FAM78B: variants seen among roughly 807,000 people sequenced by gnomAD.
The protein encoded by FAM78B is family with sequence similarity 78 member B.
FAM78B carries 10 observed loss-of-function variants against 20.0 expected under a neutral mutation model. The observed-to-expected ratio is 0.50, with a 90% CI of 0.31 to 0.85. FAM78B has a LOEUF of 0.85. Among genes scored for constraint, FAM78B ranks in the 40% least tolerant of loss-of-function variants. The pLI, the probability that FAM78B is intolerant of heterozygous loss-of-function variation, is 0.05. For synonymous variants in FAM78B, 135 were observed against 132.8 expected, an observed-to-expected ratio of 1.02 and a Z score of -0.12; for missense variants, 283 against 345.0, an observed-to-expected ratio of 0.82 and a Z score of 1.42.
intron 1 of FAM78B, among the ~76,000 whole-genome samples, chr1:166,130,801 A>G (rs1654843887): frequency 6.6e-6 from 1 of 151,976 alleles, no homozygotes; most frequent in Non-Finnish European, 1.5e-5. Flanking sequence ...CGGTTCCCTG[A>G]CTCCCAGACC....
Position 166,109,890 on chromosome 1 carries a change from G to GTATGTATATA in FAM78B, c.264-39128_264-39127insTATATACATA, listed in dbSNP as rs1433152486. On this transcript the variant is annotated intron_variant, in intron 1 of 1. Transcript: ENST00000354422. The stretch of plus-strand genomic sequence containing the variant: ...TGTGTATATATATATATGTATATAT[G>GTATGTATATA]TATATATATATATATATATATATAT... Among the ~76,000 whole-genome samples, 18 of 23,190 alleles carry GTATGTATATA rather than the reference G, an allele frequency of 7.8e-4. 3 individuals carry two copies. The highest frequency in any genetic ancestry group is 1.7e-3 in the Non-Finnish European group (15 of 8,776). The allele number at this position is 23,190 out of a possible 152,430, so 15.2% of individuals were successfully genotyped here.
exon 3 of FAM78B, chr1:166,058,894 G>A (rs1342649834): frequency 1.3e-5 from 2 of 152,464 alleles, no homozygotes; most frequent in African/African-American, 4.8e-5. Flanking sequence ...AATCCTAGAT[G>A]GCTGAGGAGG....
Position 166,166,191 on chromosome 1 carries a change from C to A in FAM78B, c.58G>T (p.Val20Leu). 1 of 1,591,214 alleles carries A rather than the reference C, an allele frequency of 6.3e-7. No homozygotes were observed. The highest frequency in any genetic ancestry group is 8.6e-7 in the Non-Finnish European group (1 of 1,168,012). ...KARIRRENIVVYDVCATIDQC... is the reference protein window; with the variant it reads ...KARIRRENIVLYDVCATIDQC... ...TCGATGGTGGCGCACACATCGTACA[C>A]CACGATGTTCTCGCGCCGGATCCGC... The change falls in exon 1 of 2, where the codon GTG becomes TTG. Residue 20 changes from valine (V) to leucine (L), a missense_variant. Val to Leu is a conservative substitution (Grantham distance 32). Transcript: ENST00000354422.
At chr1:166,090,706 T>C (rs1182357244) in intron 1 of FAM78B, among the ~76,000 whole-genome samples, 1 of 152,206 alleles carries the variant, frequency 6.6e-6, no homozygotes, top group Non-Finnish European at 1.5e-5. Flanking sequence ...ATGGTGTCCC[T>C]GCTCTAATTC....
chr1:166,126,386 A>G (rs1290269318), intron 1 of FAM78B, among the ~76,000 whole-genome samples: 1 of 152,242 alleles, frequency 6.6e-6, no homozygotes, highest in African/African-American at 2.4e-5. Context: ...ATAAATGAGT[A>G]GTAAACTACA....
chr1:166,142,094 C>T (rs1655301938), intron 1 of FAM78B, among the ~76,000 whole-genome samples: 1 of 152,134 alleles, frequency 6.6e-6, no homozygotes, highest in Non-Finnish European at 1.5e-5. Context: ...TGGTGACCAG[C>T]CCTGCTCTGA....
At chr1:166,055,968 A>G (rs1356161323), downstream of FAM78B, among the ~76,000 whole-genome samples, 1 of 152,222 alleles carries the variant, frequency 6.6e-6, no homozygotes, top group East Asian at 1.9e-4. Flanking sequence ...TGAACTAAGA[A>G]AAAAGTGCCA....
At chr1:166,063,414 T>G (rs1231155253) in intron 2 of FAM78B, among the ~76,000 whole-genome samples, 1 of 152,072 alleles carries the variant, frequency 6.6e-6, no homozygotes, top group Non-Finnish European at 1.5e-5. Flanking sequence ...GGAGGCTCGC[T>G]TGCACAGGGG....
intron 1 of FAM78B, among the ~76,000 whole-genome samples, chr1:166,088,324 G>A (rs1288289433): frequency 2.0e-5 from 3 of 152,142 alleles, no homozygotes; most frequent in East Asian, 1.9e-4. Context: ...AGGAACACCA[G>A]TGTCATCCCT....
At chr1:166,093,055 A>C (rs1200465258) in intron 1 of FAM78B, among the ~76,000 whole-genome samples, 1 of 152,252 alleles carries the variant, frequency 6.6e-6, no homozygotes, top group East Asian at 1.9e-4. Context: ...TATTTAAAAA[A>C]ATAAAAAAAT....
At chr1:166,152,085 C>G (rs1285057408) in intron 1 of FAM78B, among the ~76,000 whole-genome samples, 2 of 152,228 alleles carry the variant, frequency 1.3e-5, no homozygotes, top group African/African-American at 4.8e-5. Context: ...ATTTTAGAAT[C>G]CCAGCAGCCC....
At chr1:166,128,741 A>T (rs1170058885) in intron 1 of FAM78B, among the ~76,000 whole-genome samples, 1 of 152,162 alleles carries the variant, frequency 6.6e-6, no homozygotes, top group Non-Finnish European at 1.5e-5. Flanking sequence ...ACAGTGGGTG[A>T]GGCAGTATGA....
At chr1:166,063,119 C>T (rs1455587873) in intron 2 of FAM78B, among the ~76,000 whole-genome samples, 1 of 152,072 alleles carries the variant, frequency 6.6e-6, no homozygotes, top group Non-Finnish European at 1.5e-5. Context: ...ACTAAGCAGG[C>T]ATTTCCCCAG....
intron 1 of FAM78B, among the ~76,000 whole-genome samples, chr1:166,119,932 G>GA (rs1654404983): frequency 6.6e-6 from 1 of 152,202 alleles, no homozygotes. Context: ...AGCTAAGCAT[G>GA]AAAGAGAAGA....
chr1:166,077,861 T>A (rs1253104425), intron 1 of FAM78B, among the ~76,000 whole-genome samples: 3 of 34,124 alleles, frequency 8.8e-5, no homozygotes, highest in East Asian at 9.1e-4. Context: ...ATATATATAA[T>A]TTATATATAT....
intron 1 of FAM78B, among the ~76,000 whole-genome samples, chr1:166,113,791 G>A (rs1476935997): frequency 6.6e-6 from 1 of 152,240 alleles, no homozygotes; most frequent in East Asian, 1.9e-4. Flanking sequence ...AGGCATAGGA[G>A]ATGGGCCAGT....
intron 1 of FAM78B, among the ~76,000 whole-genome samples, chr1:166,088,063 C>G (rs2101732851): frequency 6.6e-6 from 1 of 152,288 alleles, no homozygotes; most frequent in African/African-American, 2.4e-5. Context: ...GCTGCAGATG[C>G]TTTGACCCAA....
intron 1 of FAM78B, among the ~76,000 whole-genome samples, chr1:166,093,368 G>C (rs1653153642): frequency 6.6e-6 from 1 of 152,136 alleles, no homozygotes; most frequent in Admixed American, 6.5e-5. Flanking sequence ...TCCAAGCAGA[G>C]GTTCCAAGTT....
chr1:166,157,207 G>C (rs1168099250), intron 1 of FAM78B, among the ~76,000 whole-genome samples: 1 of 151,888 alleles, frequency 6.6e-6, no homozygotes, highest in Non-Finnish European at 1.5e-5. Context: ...ATGCTTCTCT[G>C]TCCAGGGAAG....
Sources: gnomAD v4.1 joint callset for allele counts (sites outside exome capture counted in the v4.1 genomes callset) on GRCh38, gnomAD v4.1.1 for gene constraint, MANE v1.5 for transcripts, NCBI Gene and HGNC (gene_info 2026-07-23, HGNC 2026-07-21) for gene names.